The following EHMT1 variants were observed in gnomAD, a reference collection of about 807,000 sequenced individuals.
The protein encoded by EHMT1 is histone-lysine N-methyltransferase EHMT1.
A neutral mutation model predicts 147.2 loss-of-function variants in EHMT1; 15 were observed. The ratio of observed to expected loss-of-function variants is 0.10; its 90% CI spans 0.07 to 0.16. The LOEUF (loss-of-function observed/expected upper bound fraction) is 0.16. Ranked by LOEUF, EHMT1 falls within the 10% of genes least tolerant of loss-of-function variation. EHMT1 has a pLI of 1.00. For missense variants in EHMT1, 1,587 were observed against 1,772.4 expected (o/e 0.90, Z 1.88); for synonymous variants, 795 against 709.6 (o/e 1.12, Z -1.91).
At chr9:137,713,719 G>A (rs1944951430) in intron 2 of EHMT1, among the ~76,000 whole-genome samples, 1 of 152,082 alleles carries the variant, frequency 6.6e-6, no homozygotes, top group Non-Finnish European at 1.5e-5. Context: ...GGAGGCCAAG[G>A]TGGGCAGATC....
chr9:137,724,455 A>C (rs1946396790), intron 3 of EHMT1, among the ~76,000 whole-genome samples: 2 of 152,240 alleles, frequency 1.3e-5, no homozygotes, highest in South Asian at 4.1e-4. Context: ...CAAGAGTCCC[A>C]ACAAAACCTA....
chr9:137,772,646 G>A (rs1329583214), intron 10 of EHMT1, among the ~76,000 whole-genome samples: 1 of 152,234 alleles, frequency 6.6e-6, no homozygotes, highest in Non-Finnish European at 1.5e-5. Context: ...TGTGAAGTCA[G>A]TACCTGTTTC....
In EHMT1 at chr9:137,776,470, C is replaced by A; in HGVS notation, c.1792-148C>A. ...CATCGTTCCTCCTTCTTAACGATGC[C>A]TGGGGCCAAGACTGGACCCCACCCC... is the stretch of plus-strand genomic sequence containing the variant. On this transcript the variant is annotated intron_variant, in intron 11 of 26. Transcript: ENST00000460843. This position sits in a 1 kb window ranked among gnomAD's most constrained non-coding sequence, Gnocchi z 4.4. 1.4e-6 allele frequency: 1 copy of A among 718,162 alleles called. No individual in the cohort carries two copies. The highest frequency in any genetic ancestry group is 2.4e-6 in the Non-Finnish European group (1 of 418,730). The allele number at this position is 718,162 out of a possible 1,614,324, so 44.5% of individuals were successfully genotyped here.
At chr9:137,712,122 T>C (rs1245493377) in intron 2 of EHMT1, among the ~76,000 whole-genome samples, 1 of 152,220 alleles carries the variant, frequency 6.6e-6, no homozygotes, top group Non-Finnish European at 1.5e-5. Flanking sequence ...TTTCTTCCTG[T>C]ACTTTGGCCC....
At chr9:137,648,233 A>G (rs1845046632) in intron 1 of EHMT1, among the ~76,000 whole-genome samples, 1 of 152,218 alleles carries the variant, frequency 6.6e-6, no homozygotes, top group African/African-American at 2.4e-5. Context: ...ACCATATTGT[A>G]TAATCTTCAG....
chr9:137,777,527 A>G, intron 12 of EHMT1: 1 of 332,750 alleles, frequency 3.0e-6, no homozygotes, highest in South Asian at 3.9e-5. Flanking sequence ...AAAGAGACTC[A>G]AATTGTGGAC....
At chr9:137,650,699 C>T (rs1227625615) in intron 1 of EHMT1, among the ~76,000 whole-genome samples, 1 of 135,934 alleles carries the variant, frequency 7.4e-6, no homozygotes, top group African/African-American at 2.8e-5. Context: ...GACAGTTGCA[C>T]TCTGTTGCCT....
intron 1 of EHMT1, among the ~76,000 whole-genome samples, 193 bp downstream of exon 1, chr9:137,619,242 C>G (rs1842796729): frequency 7.1e-6 from 1 of 141,024 alleles, no homozygotes; most frequent in Non-Finnish European, 1.6e-5. Flanking sequence ...GCGTCCGGCC[C>G]GCGCTCCCGC....
intron 25 of EHMT1, among the ~76,000 whole-genome samples, chr9:137,829,492 C>T (rs907193365): frequency 1.3e-5 from 2 of 152,248 alleles, no homozygotes; most frequent in Non-Finnish European, 2.9e-5. Context: ...CCCCCAGTGA[C>T]GTCAGAGTGT....
intron 4 of EHMT1, among the ~76,000 whole-genome samples, chr9:137,735,686 G>A (rs1564660845): frequency 6.6e-6 from 1 of 152,154 alleles, no homozygotes; most frequent in Non-Finnish European, 1.5e-5. Context: ...TGTGAGGTGG[G>A]GCCTAGCTTG....
rs117589859 is a variant in EHMT1 at position 137,783,602 on chromosome 9, T to C, written c.2382+1205T>C. Among the ~76,000 whole-genome samples the C allele has an allele frequency of 5.1e-3, 772 of 152,392 alleles. 5 individuals carry two copies. The highest frequency in any genetic ancestry group is 8.4e-3 in the Admixed American group (129 of 15,312). ...CTACTGAAAAGCTGGTGGTAGCTCTTGCTTGCCGGGGGCTTGTCAGCTGTA... is the reference window on the plus strand; with the variant it reads ...CTACTGAAAAGCTGGTGGTAGCTCTCGCTTGCCGGGGGCTTGTCAGCTGTA... On this transcript the variant is annotated intron_variant, in intron 15 of 26. Transcript: ENST00000460843.
chr9:137,800,503 G>C, intron 17 of EHMT1: 1 of 282,622 alleles, frequency 3.5e-6, no homozygotes, highest in South Asian at 3.8e-5. Flanking sequence ...GGTGCGCTCC[G>C]GGTCTGGCCT....
chr9:137,648,502 A>G (rs1845070557), intron 1 of EHMT1, among the ~76,000 whole-genome samples: 2 of 151,496 alleles, frequency 1.3e-5, no homozygotes, highest in Non-Finnish European at 2.9e-5. Context: ...AAAAAAAAAA[A>G]AAAAAAATAG....
Position 137,678,890 on chromosome 9 carries a change from G to A in EHMT1, c.22-32077G>A, listed in dbSNP as rs539111772. Among the ~76,000 whole-genome samples the A allele has an allele frequency of 8.5e-5, 13 of 152,200 alleles. No individual in the cohort carries two copies. In the South Asian group the frequency reaches 2.7e-3, roughly 32 times the overall value. On this transcript the variant is annotated intron_variant, in intron 1 of 26. Coordinates refer to ENST00000460843, the MANE Select transcript of EHMT1 (RefSeq NM_024757.5). ...GCAGGACTGATGGTGCAGTGCCAGA[G>A]TTAGCATGCTACTCAGAGCAGTGTG...
At chr9:137,729,084 G>C (rs563684842) in intron 4 of EHMT1, among the ~76,000 whole-genome samples, 1 of 152,106 alleles carries the variant, frequency 6.6e-6, no homozygotes, top group Non-Finnish European at 1.5e-5. Context: ...TGAGCGCTGC[G>C]TCAGGGCTCC....
At chr9:137,778,370 G>A (rs1951118300) in intron 13 of EHMT1, among the ~76,000 whole-genome samples, 1 of 152,232 alleles carries the variant, frequency 6.6e-6, no homozygotes. Flanking sequence ...TGCTTCTGCT[G>A]CCTTGACTCC....
At chr9:137,656,451 A>G (rs1319923641) in intron 1 of EHMT1, among the ~76,000 whole-genome samples, 1 of 152,242 alleles carries the variant, frequency 6.6e-6, no homozygotes, top group African/African-American at 2.4e-5. Context: ...ATTTTGGGTT[A>G]GAGTGATGAC....
At chr9:137,811,058 A>G (rs1298630079) in intron 18 of EHMT1, among the ~76,000 whole-genome samples, 1 of 152,140 alleles carries the variant, frequency 6.6e-6, no homozygotes, top group Non-Finnish European at 1.5e-5. Context: ...CAAAAGCATT[A>G]TCCTATCCTA....
At chr9:137,799,784 C>G (rs1953294753) in intron 17 of EHMT1, among the ~76,000 whole-genome samples, 1 of 152,274 alleles carries the variant, frequency 6.6e-6, no homozygotes, top group South Asian at 2.1e-4. Flanking sequence ...CTGGAAGCAG[C>G]AGCGTCTGTG....
Sources: gnomAD v4.1 joint callset for allele counts (sites outside exome capture counted in the v4.1 genomes callset) on GRCh38, gnomAD v4.1.1 for gene constraint, Gnocchi (gnomAD v3.1) non-coding constraint, MANE v1.5 for transcripts, NCBI Gene and HGNC (gene_info 2026-07-23, HGNC 2026-07-21) for gene names.